RSRC1: variants seen among roughly 807,000 people sequenced by gnomAD.
RSRC1 encodes arginine and serine rich coiled-coil 1, also known as serine/Arginine-related protein 53.
RSRC1 carries 39 observed loss-of-function variants against 49.1 expected under a neutral mutation model. The ratio of observed to expected loss-of-function variants is 0.79; its 90% CI spans 0.61 to 1.04. The LOEUF (loss-of-function observed/expected upper bound fraction) is 1.04. Among genes scored for constraint, RSRC1 ranks in the 50% least tolerant of loss-of-function variants. The probability of loss-of-function intolerance (pLI) is 0.00; values close to 1 mark genes in which losing one functional copy is unlikely to be tolerated. For synonymous variants in RSRC1, 143 were observed against 130.8 expected, an observed-to-expected ratio of 1.09 and a Z score of -0.63; for missense variants, 388 against 402.4, an observed-to-expected ratio of 0.96 and a Z score of 0.31.
chr3:158,121,646 T>C (rs1312492748), intron 1 of RSRC1, among the ~76,000 whole-genome samples: 3 of 152,184 alleles, frequency 2.0e-5, no homozygotes, highest in Non-Finnish European at 4.4e-5. Flanking sequence ...TAGTAAAATA[T>C]ATTTTGTCAT....
intron 5 of RSRC1, among the ~76,000 whole-genome samples, chr3:158,305,905 G>A (rs946855753): frequency 3.9e-5 from 6 of 151,976 alleles, no homozygotes; most frequent in East Asian, 3.8e-4. Context: ...AAAATAGTGT[G>A]TGAAATTTAT....
At chr3:158,499,827 C>G (rs1180622501) in intron 7 of RSRC1, among the ~76,000 whole-genome samples, 2 of 152,114 alleles carry the variant, frequency 1.3e-5, no homozygotes. Flanking sequence ...CAGTTTGACT[C>G]CCTCTTTACC....
chr3:158,454,340 T>C (rs868182964), intron 6 of RSRC1, among the ~76,000 whole-genome samples: 7 of 152,140 alleles, frequency 4.6e-5, no homozygotes, highest in Admixed American at 1.3e-4. Flanking sequence ...TAGAATCATT[T>C]TGAGAATTCA....
chr3:158,116,460 T>G (rs1159589553), intron 1 of RSRC1, among the ~76,000 whole-genome samples: 1 of 152,206 alleles, frequency 6.6e-6, no homozygotes, highest in African/African-American at 2.4e-5. Context: ...AAGATGTGTA[T>G]GTACTCGAGT....
chr3:158,282,728 GAGA>G (rs777575899), intron 4 of RSRC1, among the ~76,000 whole-genome samples: 3 of 152,168 alleles, frequency 2.0e-5, no homozygotes, highest in Admixed American at 6.5e-5. Context: ...TGCAGATTTT[GAGA>G]AGAAGAGAAT....
chr3:158,506,026 G>A (rs979921651), intron 7 of RSRC1, among the ~76,000 whole-genome samples: 1 of 152,118 alleles, frequency 6.6e-6, no homozygotes, highest in African/African-American at 2.4e-5. Flanking sequence ...AATACTACAG[G>A]ACAATGATGT....
intron 6 of RSRC1, among the ~76,000 whole-genome samples, chr3:158,399,828 G>A (rs983935987): frequency 6.6e-6 from 1 of 152,040 alleles, no homozygotes; most frequent in Non-Finnish European, 1.5e-5. Flanking sequence ...TGGAAGTAAA[G>A]GTAGACACTT....
chr3:158,482,994 A>G (rs1738677249), intron 7 of RSRC1, among the ~76,000 whole-genome samples: 2 of 151,986 alleles, frequency 1.3e-5, no homozygotes, highest in African/African-American at 4.8e-5. Flanking sequence ...CAAATGGAGG[A>G]CAAATTAGAA....
At chr3:158,478,144 C>A (rs1300515698) in intron 7 of RSRC1, among the ~76,000 whole-genome samples, 1 of 151,696 alleles carries the variant, frequency 6.6e-6, no homozygotes, top group Non-Finnish European at 1.5e-5. Flanking sequence ...TATATAGGAT[C>A]TTATCACTCC....
Position 158,122,908 on chromosome 3 carries a change from C to T in RSRC1, c.194+610C>T, listed in dbSNP as rs542561847. Among the ~76,000 whole-genome samples, 4 of 152,288 alleles carry T rather than the reference C, an allele frequency of 2.6e-5. No homozygotes were observed. The South Asian group carries it at 8.3e-4, about 32-fold the overall frequency. On this transcript the variant is annotated intron_variant, in intron 2 of 9. Coordinates refer to ENST00000611884, the MANE Select transcript of RSRC1 (RefSeq NM_001271838.2). The stretch of plus-strand genomic sequence containing the variant: ...TCTATGTGCCTACAAAGGATGTGAA[C>T]TCATCCTTTTTTATGGCTGCGTAGT...
At chr3:158,359,188 A>G (rs560048751) in intron 6 of RSRC1, among the ~76,000 whole-genome samples, 1 of 152,214 alleles carries the variant, frequency 6.6e-6, no homozygotes, top group African/African-American at 2.4e-5. Context: ...AGCAGTGTAT[A>G]AAACAGTTCT....
chr3:158,114,056 A>G (rs868041624), intron 1 of RSRC1, among the ~76,000 whole-genome samples: 1 of 152,338 alleles, frequency 6.6e-6, no homozygotes, highest in Non-Finnish European at 1.5e-5. Context: ...CGTTTTTGCC[A>G]TGAAATCTTT....
intron 4 of RSRC1, among the ~76,000 whole-genome samples, chr3:158,285,325 C>T (rs573933756): frequency 4.0e-4 from 61 of 152,232 alleles, no homozygotes; most frequent in South Asian, 1.5e-3. Flanking sequence ...AGTCAGGTAG[C>T]GTGATGCCTC....
chr3:158,384,852 A>G (rs1255965481), intron 6 of RSRC1, among the ~76,000 whole-genome samples: 6 of 152,216 alleles, frequency 3.9e-5, no homozygotes, highest in Non-Finnish European at 7.4e-5. Context: ...GATGTAGTCC[A>G]TGAAGTTTAT....
intron 6 of RSRC1, among the ~76,000 whole-genome samples, chr3:158,377,051 CT>C (rs772137503): frequency 6.6e-6 from 1 of 152,100 alleles, no homozygotes; most frequent in Non-Finnish European, 1.5e-5. Flanking sequence ...TGTTGGCTTT[CT>C]TTTTTCTGAT....
At chr3:158,469,063 A>T (rs1383403808) in intron 7 of RSRC1, among the ~76,000 whole-genome samples, 2 of 152,226 alleles carry the variant, frequency 1.3e-5, no homozygotes, top group African/African-American at 4.8e-5. Flanking sequence ...AGAATATATC[A>T]CACAAAAAAC....
At chr3:158,378,086 T>C (rs1046921166) in intron 6 of RSRC1, among the ~76,000 whole-genome samples, 1 of 152,234 alleles carries the variant, frequency 6.6e-6, no homozygotes, top group African/African-American at 2.4e-5. Flanking sequence ...TCATTTTTCA[T>C]GGTCACTGAT....
At chr3:158,374,109 G>A (rs1368430528) in intron 6 of RSRC1, among the ~76,000 whole-genome samples, 1 of 151,936 alleles carries the variant, frequency 6.6e-6, no homozygotes, top group Admixed American at 6.6e-5. Flanking sequence ...ACTGTTTTAT[G>A]TTTTTTGAAT....
In RSRC1 at chr3:158,121,680, T is replaced by C. The variant is rs558143461; in HGVS notation, c.-2-423T>C. Among the ~76,000 whole-genome samples, 53 of 152,294 alleles carry C rather than the reference T, an allele frequency of 3.5e-4. 1 individual carries two copies. The highest frequency in any genetic ancestry group is 1.2e-3 in the African/African-American group (49 of 41,568). On this transcript the variant is annotated intron_variant, in intron 1 of 9. Transcript: ENST00000611884. ...ATTAGGGAATGTGAGAATAAAGGAA[T>C]AGTTGGTTGATTACTAAAGAAAATG... is the stretch of plus-strand genomic sequence containing the variant.
Sources: allele counts gnomAD v4.1 joint callset (sites outside exome capture counted in the v4.1 genomes callset), GRCh38; gene constraint gnomAD v4.1.1; transcripts MANE v1.5; gene names NCBI Gene and HGNC (gene_info 2026-07-23, HGNC 2026-07-21).